COL23A1: variants seen among roughly 807,000 people sequenced by gnomAD.
The protein encoded by COL23A1 is collagen alpha-1(XXIII) chain.
In COL23A1, 97 loss-of-function variants were observed where a neutral mutation model predicts 99.3. That is an observed-to-expected ratio of 0.98 (90% CI 0.83 to 1.16). The LOEUF is 1.16. Ranked by LOEUF, COL23A1 falls within the 50% of genes most tolerant of loss-of-function variation. The pLI is 0.00. For synonymous variants in COL23A1, 320 were observed against 308.2 expected (o/e 1.04, Z -0.40); for missense variants, 762 against 757.4 (o/e 1.01, Z -0.07).
chr5:178,289,039 C>T (rs1450616457), intron 4 of COL23A1, among the ~76,000 whole-genome samples: 2 of 152,172 alleles, frequency 1.3e-5, no homozygotes, highest in Non-Finnish European at 2.9e-5. Context: ...TTCACACACG[C>T]TAGCCTCCCT....
chr5:178,269,776 C>A (rs1756178009), intron 6 of COL23A1, among the ~76,000 whole-genome samples: 1 of 149,488 alleles, frequency 6.7e-6, no homozygotes, highest in Non-Finnish European at 1.5e-5. Flanking sequence ...ACCAATCCAT[C>A]CATCCATCTA....
chr5:178,546,387 T>C (rs551878454), intron 2 of COL23A1, among the ~76,000 whole-genome samples: 6 of 152,270 alleles, frequency 3.9e-5, no homozygotes, highest in Admixed American at 2.6e-4. Context: ...GAGGAGCTGG[T>C]TTCTGTTGCC....
In COL23A1 at chr5:178,468,300, G is replaced by A. The variant is rs984642673; in HGVS notation, c.361+92382C>T. On this transcript the variant is annotated intron_variant, in intron 2 of 28. Transcript: ENST00000390654. This position sits in a 1 kb window ranked among gnomAD's most constrained non-coding sequence, Gnocchi z 4.2. ...GAAGATCGGGAAGGTCTAAATCCAA[G>A]CTCATTAATAGGCCAGAGGGTGAGA... Among the ~76,000 whole-genome samples the A allele has an allele frequency of 6.6e-6, 1 of 151,936 alleles. No individual in the cohort carries two copies. The highest frequency in any genetic ancestry group is 1.5e-5 in the Non-Finnish European group (1 of 67,998).
At chr5:178,498,205 A>AATATACATATAT in intron 2 of COL23A1, among the ~76,000 whole-genome samples, 1 of 34,698 alleles carries the variant, frequency 2.9e-5, no homozygotes, top group Admixed American at 3.6e-4. Flanking sequence ...TCTTTATTTA[A>AATATACATATAT]ATATATATAT....
chr5:178,452,170 G>A (rs945925261), intron 2 of COL23A1, among the ~76,000 whole-genome samples: 1 of 152,090 alleles, frequency 6.6e-6, no homozygotes, highest in Non-Finnish European at 1.5e-5. Flanking sequence ...CAGATCAATG[G>A]AACAAAATAA....
At chr5:178,326,942 A>C (rs557006319) in intron 2 of COL23A1, among the ~76,000 whole-genome samples, 1 of 151,928 alleles carries the variant, frequency 6.6e-6, no homozygotes, top group Non-Finnish European at 1.5e-5. Context: ...CTGGTCTCGA[A>C]CTCCTGACTT....
At chr5:178,358,439 GTA>G (rs1322717122) in intron 2 of COL23A1, among the ~76,000 whole-genome samples, 3 of 150,006 alleles carry the variant, frequency 2.0e-5, no homozygotes, top group Non-Finnish European at 3.0e-5. Flanking sequence ...GTGTATGTGT[GTA>G]TGTGTGTATA....
chr5:178,549,938 ACTT>A (rs986546068), intron 2 of COL23A1, among the ~76,000 whole-genome samples: 10 of 152,228 alleles, frequency 6.6e-5, no homozygotes, highest in African/African-American at 2.4e-4. Context: ...TCTTCTCTGT[ACTT>A]TTTTATATAT....
chr5:178,371,704 T>C (rs1476162154), intron 2 of COL23A1, among the ~76,000 whole-genome samples: 1 of 152,126 alleles, frequency 6.6e-6, no homozygotes, highest in East Asian at 1.9e-4. Context: ...CTGTCCGCGG[T>C]CCCTCTTCCC....
chr5:178,274,261 G>A (rs1756457709), intron 5 of COL23A1, among the ~76,000 whole-genome samples: 1 of 152,242 alleles, frequency 6.6e-6, no homozygotes, highest in Non-Finnish European at 1.5e-5. Context: ...ACTGAGGCGT[G>A]AGGCTGTGCA....
chr5:178,392,375 C>T (rs1257627533), intron 2 of COL23A1, among the ~76,000 whole-genome samples: 2 of 152,208 alleles, frequency 1.3e-5, no homozygotes, highest in Non-Finnish European at 2.9e-5. Flanking sequence ...AATGCACCTA[C>T]TGCATTCCCA....
intron 2 of COL23A1, among the ~76,000 whole-genome samples, chr5:178,465,954 C>T (rs1268236130): frequency 1.3e-5 from 2 of 152,192 alleles, no homozygotes; most frequent in Admixed American, 6.5e-5. Flanking sequence ...ACACAAAACA[C>T]AGTAGAGCCT....
chr5:178,328,065 G>C (rs1044079991), intron 2 of COL23A1, among the ~76,000 whole-genome samples: 6 of 152,006 alleles, frequency 3.9e-5, no homozygotes, highest in African/African-American at 1.4e-4. Flanking sequence ...TGTGGAGAGC[G>C]GCACGGTCCA....
rs74556201 is a variant in COL23A1, at chr5:178,393,583, G to A, written c.362-86664C>T. ...CCCTGGCACCATTCAGATCATGTGA[G>A]ACCAGCTCCCAATGCATGTGGAAGG... On this transcript the variant is annotated intron_variant, in intron 2 of 28. Coordinates refer to ENST00000390654, the MANE Select transcript of COL23A1 (RefSeq NM_173465.4). Among the ~76,000 whole-genome samples the A allele has an allele frequency of 3.5e-3, 528 of 151,814 alleles. 6 individuals are homozygous for A. Among genetic ancestry groups the A allele is most frequent in the African/African-American group, 0.012 (498 of 41,368 alleles).
chr5:178,398,596 C>G (rs538358449), intron 2 of COL23A1, among the ~76,000 whole-genome samples: 53 of 152,358 alleles, frequency 3.5e-4, no homozygotes, highest in African/African-American at 1.2e-3. Flanking sequence ...CACTGCACTC[C>G]AGCCTGGGAG....
rs542007938 is a variant in COL23A1, at chr5:178,415,560, G to A, written c.362-108641C>T. ...TCCACAGCCAGAGGACACGAGGGAC[G>A]CCCCTTGCAGATACTTCCAATGTGC... On this transcript the variant is annotated intron_variant, in intron 2 of 28. Coordinates refer to ENST00000390654, the MANE Select transcript of COL23A1 (RefSeq NM_173465.4). The surrounding 1 kb of genome is among the most constrained non-coding windows in gnomAD (Gnocchi z 4.6). 2.0e-5 allele frequency among the ~76,000 whole-genome samples: 3 copies of A among 152,278 alleles called. No individual in the cohort carries two copies. The highest frequency in any genetic ancestry group is 2.9e-5 in the Non-Finnish European group (2 of 68,020).
intron 2 of COL23A1, among the ~76,000 whole-genome samples, chr5:178,351,617 C>A (rs926162782): frequency 3.3e-5 from 5 of 152,094 alleles, no homozygotes; most frequent in African/African-American, 1.2e-4. Context: ...GAGGTAGCAG[C>A]GCAGGCCGGG....
chr5:178,556,842 A>C (rs1762302028), intron 2 of COL23A1, among the ~76,000 whole-genome samples: 1 of 151,020 alleles, frequency 6.6e-6, no homozygotes. Flanking sequence ...AATCTCAGCT[A>C]CTCGGGAGGC....
chr5:178,466,015 A>G (rs141946043), intron 2 of COL23A1, among the ~76,000 whole-genome samples: 125 of 152,242 alleles, frequency 8.2e-4, no homozygotes, highest in African/African-American at 2.6e-3. Context: ...CTGGTCCCTC[A>G]GTCTCCCCTC....
Sources: gnomAD v4.1 joint callset for allele counts (sites outside exome capture counted in the v4.1 genomes callset) on GRCh38, gnomAD v4.1.1 for gene constraint, Gnocchi (gnomAD v3.1) non-coding constraint, MANE v1.5 for transcripts, NCBI Gene and HGNC (gene_info 2026-07-23, HGNC 2026-07-21) for gene names.